WWOX: variants seen among roughly 807,000 people sequenced by gnomAD.
The protein encoded by WWOX is WW domain containing oxidoreductase.
WWOX carries 69 observed loss-of-function variants against 46.2 expected under a neutral mutation model. The observed-to-expected ratio is 1.49, with a 90% CI of 1.23 to 1.82. The LOEUF (loss-of-function observed/expected upper bound fraction) is 1.82. Among genes scored for constraint, WWOX ranks in the 40% most tolerant of loss-of-function variants. WWOX has a pLI of 0.00. For synonymous variants in WWOX, 359 were observed against 202.6 expected (o/e 1.77, Z -6.56); for missense variants, 919 against 542.6 (o/e 1.69, Z -6.89).
At chr16:78,255,116 G>C (rs966266836) in intron 5 of WWOX, among the ~76,000 whole-genome samples, 1 of 152,152 alleles carries the variant, frequency 6.6e-6, no homozygotes, top group Non-Finnish European at 1.5e-5. Context: ...ATTTTTACAA[G>C]TCTTTTCCAA....
At chr16:78,504,945 C>T (rs187984253) in intron 8 of WWOX, among the ~76,000 whole-genome samples, 2 of 152,132 alleles carry the variant, frequency 1.3e-5, no homozygotes, top group East Asian at 1.9e-4. Context: ...CAGGACTCCC[C>T]GGAAAAGAAT....
intron 8 of WWOX, among the ~76,000 whole-genome samples, chr16:79,094,695 A>G (rs1372020051): frequency 6.6e-6 from 1 of 152,062 alleles, no homozygotes; most frequent in Non-Finnish European, 1.5e-5. Flanking sequence ...ATGTACAAGG[A>G]TACATATATA....
chr16:79,112,978 T>A lies in WWOX; in HGVS notation c.1057-98630T>A, dbSNP rs116385827. ...GATGGCTGTGCTTTGGTTCATTTTC[T>A]TGCTCATCTTCATGATCTAGCAAGT... On this transcript the variant is annotated intron_variant, in intron 8 of 8. Coordinates refer to ENST00000566780, the MANE Select transcript of WWOX (RefSeq NM_016373.4). Among the ~76,000 whole-genome samples, 1,388 of 152,332 alleles carry A rather than the reference T, an allele frequency of 9.1e-3. 20 individuals carry two copies. Among genetic ancestry groups the A allele is most frequent in the African/African-American group, 0.032 (1,328 of 41,578 alleles).
intron 3 of WWOX, 44 bp from the exon 4 acceptor site, chr16:78,114,932 C>G (rs1447650287): frequency 6.2e-7 from 1 of 1,612,294 alleles, no homozygotes. Context: ...TTTATAAATG[C>G]CTGTGTTCAT....
intron 8 of WWOX, among the ~76,000 whole-genome samples, chr16:78,745,983 C>A (rs961114708): frequency 6.6e-6 from 1 of 152,140 alleles, no homozygotes; most frequent in Non-Finnish European, 1.5e-5. Flanking sequence ...CCCTGCACCA[C>A]GTCTCAGAAG....
intron 8 of WWOX, among the ~76,000 whole-genome samples, chr16:78,664,706 G>A (rs937629718): frequency 6.6e-6 from 1 of 152,170 alleles, no homozygotes; most frequent in Non-Finnish European, 1.5e-5. Flanking sequence ...GAAACTCTGT[G>A]TGCCCATCCA....
intron 7 of WWOX, among the ~76,000 whole-genome samples, chr16:78,429,992 C>G (rs188320012): frequency 1.3e-5 from 2 of 152,114 alleles, no homozygotes; most frequent in East Asian, 3.9e-4. Context: ...TGAAGCCTGA[C>G]TATATTAGTC....
chr16:78,507,477 C>G (rs1259741153), intron 8 of WWOX, among the ~76,000 whole-genome samples: 5 of 152,178 alleles, frequency 3.3e-5, no homozygotes, highest in Admixed American at 1.3e-4. Flanking sequence ...AGAATACTTC[C>G]ACTCCGGTTG....
At chr16:78,624,865 T>C (rs2046275407) in intron 8 of WWOX, among the ~76,000 whole-genome samples, 1 of 152,240 alleles carries the variant, frequency 6.6e-6, no homozygotes, top group South Asian at 2.1e-4. Flanking sequence ...GAACATGATT[T>C]TGAATGCTGG....
chr16:78,426,377 C>T (rs1288066733), intron 7 of WWOX, among the ~76,000 whole-genome samples: 1 of 152,088 alleles, frequency 6.6e-6, no homozygotes, highest in Non-Finnish European at 1.5e-5. Flanking sequence ...GAGATTATGT[C>T]GAATTGTCAG....
At chr16:78,412,941 C>G (rs1035060120) in intron 6 of WWOX, among the ~76,000 whole-genome samples, 3 of 152,134 alleles carry the variant, frequency 2.0e-5, no homozygotes, top group African/African-American at 4.8e-5. Flanking sequence ...TTTTTACCCT[C>G]TTTGTTTTCT....
intron 8 of WWOX, among the ~76,000 whole-genome samples, chr16:79,064,937 G>T (rs542391313): frequency 5.7e-4 from 87 of 152,286 alleles, no homozygotes; most frequent in African/African-American, 2.1e-3. Context: ...AATGGCGCCA[G>T]GAATCTGTGT....
chr16:78,944,676 T>G (rs2045916014), intron 8 of WWOX, among the ~76,000 whole-genome samples: 1 of 152,108 alleles, frequency 6.6e-6, no homozygotes. Flanking sequence ...TTCGAGCATG[T>G]GGGGAATGCA....
At chr16:78,216,415 A>G (rs2036723149) in intron 5 of WWOX, among the ~76,000 whole-genome samples, 1 of 152,170 alleles carries the variant, frequency 6.6e-6, no homozygotes, top group Non-Finnish European at 1.5e-5. Flanking sequence ...CACCTAAACA[A>G]CACAAATGTA....
At chr16:78,754,858 T>C (rs1162115524) in intron 8 of WWOX, among the ~76,000 whole-genome samples, 2 of 152,128 alleles carry the variant, frequency 1.3e-5, no homozygotes, top group Non-Finnish European at 2.9e-5. Context: ...TGGTGGGTGA[T>C]AACTTACTCA....
chr16:79,121,883 G>GTGTGTT (rs2049639929), intron 8 of WWOX, among the ~76,000 whole-genome samples: 1 of 152,110 alleles, frequency 6.6e-6, no homozygotes, highest in South Asian at 2.1e-4. Flanking sequence ...GAGGTCGTGT[G>GTGTGTT]TGTGTTTGTG....
At chr16:78,463,083 T>C (rs1044176253) in intron 8 of WWOX, among the ~76,000 whole-genome samples, 1 of 152,224 alleles carries the variant, frequency 6.6e-6, no homozygotes, top group Non-Finnish European at 1.5e-5. Flanking sequence ...GGGCAGGTCT[T>C]TGTTTCATGT....
chr16:78,848,157 A>G (rs2052348440), intron 8 of WWOX, among the ~76,000 whole-genome samples: 1 of 152,190 alleles, frequency 6.6e-6, no homozygotes, highest in South Asian at 2.1e-4. Context: ...CACTGTTGTT[A>G]CTCACTGGGT....
intron 8 of WWOX, among the ~76,000 whole-genome samples, chr16:78,647,352 C>A (rs775250754): frequency 6.6e-6 from 1 of 152,304 alleles, no homozygotes; most frequent in East Asian, 1.9e-4. Flanking sequence ...CATTGTTTAG[C>A]CCTCCTTCCA....
Sources: gnomAD v4.1 joint callset for allele counts (sites outside exome capture counted in the v4.1 genomes callset) on GRCh38, gnomAD v4.1.1 for gene constraint, MANE v1.5 for transcripts, NCBI Gene and HGNC (gene_info 2026-07-23, HGNC 2026-07-21) for gene names.